The following GNA14 variants were observed in gnomAD, a reference collection of about 807,000 sequenced individuals.
GNA14 encodes the protein guanine nucleotide-binding protein subunit alpha-14.
GNA14 carries 50 observed loss-of-function variants against 42.0 expected under a neutral mutation model. The observed-to-expected ratio is 1.19, with a 90% CI of 0.95 to 1.51. The LOEUF (loss-of-function observed/expected upper bound fraction) is 1.51, where lower values mean the gene tolerates loss of function less well. Among genes scored for constraint, GNA14 ranks in the 40% most tolerant of loss-of-function variants. The pLI is 0.00. For missense variants in GNA14, 473 were observed against 446.2 expected (o/e 1.06, Z -0.54); for synonymous variants, 173 against 163.1 (o/e 1.06, Z -0.46).
intron 1 of GNA14, among the ~76,000 whole-genome samples, chr9:77,588,512 C>G (rs1823340010): frequency 6.6e-6 from 1 of 152,122 alleles, no homozygotes; most frequent in Admixed American, 6.5e-5. Flanking sequence ...AGAGCAGATG[C>G]TTAGGAAGTG....
At chr9:77,643,567 A>C (rs1173173501) in intron 1 of GNA14, among the ~76,000 whole-genome samples, 1 of 152,096 alleles carries the variant, frequency 6.6e-6, no homozygotes. Context: ...CTTAAAACTC[A>C]CACTATTTGC....
intron 2 of GNA14, among the ~76,000 whole-genome samples, chr9:77,489,705 T>C (rs889363930): frequency 2.0e-5 from 3 of 152,104 alleles, no homozygotes; most frequent in Non-Finnish European, 4.4e-5. Context: ...CGGTGAGTGT[T>C]ACAGCTCTTA....
At chr9:77,641,524 G>A (rs1043065293) in intron 1 of GNA14, among the ~76,000 whole-genome samples, 3 of 151,076 alleles carry the variant, frequency 2.0e-5, no homozygotes, top group South Asian at 2.1e-4. Context: ...AGTGGGGATC[G>A]CTAATCGTAA....
intron 1 of GNA14, among the ~76,000 whole-genome samples, chr9:77,593,480 T>A (rs1034269345): frequency 1.3e-5 from 2 of 152,104 alleles, no homozygotes; most frequent in African/African-American, 4.8e-5. Flanking sequence ...CAGGCTAATT[T>A]TATATTTTTA....
chr9:77,449,495 T>C (rs997415178), intron 2 of GNA14, among the ~76,000 whole-genome samples: 2 of 152,240 alleles, frequency 1.3e-5, no homozygotes, highest in Non-Finnish European at 2.9e-5. Flanking sequence ...CAATATCGTA[T>C]TGTTTGTTTT....
At position 77,518,787 on chromosome 9, in the gene GNA14, T is replaced by C. The variant is rs570813552; in HGVS notation, c.309+10282A>G. On this transcript the variant is annotated intron_variant, in intron 2 of 6. Coordinates refer to ENST00000341700, the MANE Select transcript of GNA14 (RefSeq NM_004297.4). ...CAAATAACTTCCTAACCAGGTCATATAAAGGGCCAAGTTACACAAACCAGC... is the reference window on the plus strand; with the variant it reads ...CAAATAACTTCCTAACCAGGTCATACAAAGGGCCAAGTTACACAAACCAGC... Among the ~76,000 whole-genome samples the C allele has an allele frequency of 2.6e-4, 39 of 152,326 alleles. 2 individuals are homozygous for C. The highest frequency in any genetic ancestry group is 1.4e-3 in the Admixed American group (21 of 15,304).
At chr9:77,588,894 C>G (rs137979677) in intron 1 of GNA14, among the ~76,000 whole-genome samples, 97 of 152,288 alleles carry the variant, frequency 6.4e-4, no homozygotes, top group African/African-American at 2.3e-3. Flanking sequence ...AAAGAAGGAA[C>G]CTGCTTTTGC....
At chr9:77,635,290 T>C (rs999344189) in intron 1 of GNA14, 2 of 152,218 alleles carry the variant, frequency 1.3e-5, no homozygotes, top group African/African-American at 4.8e-5. Flanking sequence ...TTTTAGTATA[T>C]GTGCTGCTGA....
At chr9:77,586,868 C>T (rs1047572594) in intron 1 of GNA14, among the ~76,000 whole-genome samples, 1 of 152,138 alleles carries the variant, frequency 6.6e-6, no homozygotes, top group Non-Finnish European at 1.5e-5. Flanking sequence ...ATGTTGAACA[C>T]GCCTGGTCCC....
intron 1 of GNA14, among the ~76,000 whole-genome samples, chr9:77,593,838 G>A (rs1259132116): frequency 6.6e-6 from 1 of 152,228 alleles, no homozygotes; most frequent in African/African-American, 2.4e-5. Flanking sequence ...AGAAAAACAA[G>A]TAGAAGTCAA....
At position 77,503,035 on chromosome 9, in the gene GNA14, G is replaced by A. The variant is rs1009697183; in HGVS notation, c.309+26034C>T. Among the ~76,000 whole-genome samples the A allele has an allele frequency of 1.1e-4, 16 of 152,142 alleles. No individual in the cohort carries two copies. The East Asian group carries it at 1.5e-3, about 15-fold the overall frequency. ...AAGGAAACCCAGGCAACTCAACACCGTGTCCTTCCTTGGGCCCTGAGGTCC... is the reference window on the plus strand; with the variant it reads ...AAGGAAACCCAGGCAACTCAACACCATGTCCTTCCTTGGGCCCTGAGGTCC... On this transcript the variant is annotated intron_variant, in intron 2 of 6. Transcript: ENST00000341700.
intron 2 of GNA14, 50 bp from the exon 3 acceptor site, chr9:77,434,572 C>T (rs368917295): frequency 6.6e-7 from 1 of 1,519,446 alleles, no homozygotes; most frequent in Non-Finnish European, 9.1e-7. Context: ...AGGAAGCCAA[C>T]CCATTGGCAA....
chr9:77,639,057 T>G, intron 1 of GNA14, among the ~76,000 whole-genome samples: 1 of 152,222 alleles, frequency 6.6e-6, no homozygotes, highest in East Asian at 1.9e-4. Context: ...AGCTTACATT[T>G]TAGTTTTTGA....
At chr9:77,523,229 C>T (rs770824721) in intron 2 of GNA14, among the ~76,000 whole-genome samples, 9 of 152,236 alleles carry the variant, frequency 5.9e-5, no homozygotes, top group Middle Eastern at 3.4e-3. Context: ...AAAGAAAATA[C>T]GTTTAATTGG....
intron 2 of GNA14, among the ~76,000 whole-genome samples, chr9:77,449,833 G>A (rs12342328): frequency 0.047 from 7,168 of 152,274 alleles, 209 homozygotes; most frequent in Middle Eastern, 0.068. Context: ...GTTCTTTGAT[G>A]GCAAAACGCC....
In GNA14 at chr9:77,471,825, G is replaced by C. The variant is rs985449560; in HGVS notation, c.310-37303C>G. On this transcript the variant is annotated intron_variant, in intron 2 of 6. Coordinates refer to ENST00000341700, the MANE Select transcript of GNA14 (RefSeq NM_004297.4). ...TAAGGACTTATAAAGGTCATAAAAAGCTGTTTGTTTGTCCTCAAATATAAG... is the reference window on the plus strand; with the variant it reads ...TAAGGACTTATAAAGGTCATAAAAACCTGTTTGTTTGTCCTCAAATATAAG... Among the ~76,000 whole-genome samples, 8 of 152,134 alleles carry C rather than the reference G, an allele frequency of 5.3e-5. 1 individual carries two copies. Among genetic ancestry groups the C allele is most frequent in the Non-Finnish European group, 1.2e-4 (8 of 68,026 alleles).
At chr9:77,514,529 G>A (rs866479009) in intron 2 of GNA14, among the ~76,000 whole-genome samples, 3 of 152,148 alleles carry the variant, frequency 2.0e-5, no homozygotes, top group Middle Eastern at 6.8e-3. Context: ...GGCATTACAG[G>A]TACACTGGAA....
chr9:77,646,368 G>A (rs1479408737), intron 1 of GNA14, among the ~76,000 whole-genome samples: 2 of 152,130 alleles, frequency 1.3e-5, no homozygotes, highest in African/African-American at 4.8e-5. Flanking sequence ...GGAGGGAGGG[G>A]GCAGCATGGT....
chr9:77,559,590 T>C (rs1822846547), intron 1 of GNA14, among the ~76,000 whole-genome samples: 1 of 152,132 alleles, frequency 6.6e-6, no homozygotes, highest in South Asian at 2.1e-4. Flanking sequence ...TGTGCAAATA[T>C]GTGCAAGCTG....
Sources: gnomAD v4.1 joint callset for allele counts (sites outside exome capture counted in the v4.1 genomes callset) on GRCh38, gnomAD v4.1.1 for gene constraint, MANE v1.5 for transcripts, NCBI Gene and HGNC (gene_info 2026-07-23, HGNC 2026-07-21) for gene names.